SORL1-AS1: variants seen among roughly 807,000 people sequenced by gnomAD.
The protein encoded by SORL1-AS1 is lncRNA 51 A.
At chr11:121,443,167 T>C (rs1449796625), downstream of SORL1-AS1, among the ~76,000 whole-genome samples, 3 of 152,218 alleles carry the variant, frequency 2.0e-5, no homozygotes, top group Admixed American at 1.3e-4. Context: ...AACAAGCTAC[T>C]AATGAAAATT....
the SORL1-AS1 span, among the ~76,000 whole-genome samples, chr11:121,438,169 G>C: frequency 3.3e-5 from 5 of 152,224 alleles, no homozygotes; most frequent in African/African-American, 1.2e-4. Flanking sequence ...CTGAGGGCTT[G>C]TTTTTTATTA....
chr11:121,452,540 G>A lies in SORL1-AS1; in HGVS notation n.339+135C>T. On this transcript the variant is annotated intron_variant and non_coding_transcript_variant, in intron 1 of 1. Coordinates refer to ENST00000501964, the Ensembl canonical transcript of SORL1-AS1. This position sits in a 1 kb window ranked among gnomAD's most constrained non-coding sequence, Gnocchi z 5.3. ...GCGCGCGGGGATGCCAGGGGGGCGA[G>A]CCGCGCGGACGAGAAGCCGCTCCGG... 6.7e-7 allele frequency: 1 copy of A among 1,492,804 alleles called. No homozygotes were observed. The highest frequency in any genetic ancestry group is 2.8e-5 in the East Asian group (1 of 36,362). The allele number at this position is 1,492,804 out of a possible 1,614,324, so 92.5% of individuals were successfully genotyped here. A position where few individuals can be genotyped will look rare whatever the true frequency, so the allele number is the denominator to read the frequency against.
the SORL1-AS1 span, among the ~76,000 whole-genome samples, chr11:121,440,240 C>T: frequency 6.6e-6 from 1 of 152,122 alleles, no homozygotes; most frequent in Admixed American, 6.5e-5. Flanking sequence ...GGGCCTGATG[C>T]TACATGGCCT....
Position 121,452,360 on chromosome 11 carries a change from C to A in SORL1-AS1, n.339+315G>T. 1 of 1,553,526 alleles carries A rather than the reference C, an allele frequency of 6.4e-7. No homozygotes were observed. The highest frequency in any genetic ancestry group is 8.7e-7 in the Non-Finnish European group (1 of 1,154,398). ...GCGACACGGAGCAGCAGGAGGGAGT[C>A]GCGACTCCCGTTCCTATTCACCCTG... On this transcript the variant is annotated intron_variant and non_coding_transcript_variant, in intron 1 of 1. Transcript: ENST00000501964. The surrounding 1 kb of genome is among the most constrained non-coding windows in gnomAD (Gnocchi z 5.3).
At chr11:121,438,378 T>C in the SORL1-AS1 span, among the ~76,000 whole-genome samples, 302 of 152,304 alleles carry the variant, frequency 2.0e-3, no homozygotes, top group Admixed American at 3.7e-3. Context: ...TTAAACTTAA[T>C]TGTTTAATCA....
chr11:121,440,610 C>T, the SORL1-AS1 span, among the ~76,000 whole-genome samples: 1 of 152,202 alleles, frequency 6.6e-6, no homozygotes, highest in Non-Finnish European at 1.5e-5. Context: ...CCAAAGCAAG[C>T]CATGAGCCTG....
rs1860806581 is a variant in SORL1-AS1, at chr11:121,452,216, G to C, written n.339+459C>G. 1.4e-6 allele frequency: 1 copy of C among 691,736 alleles called. No individual in the cohort carries two copies. The highest frequency in any genetic ancestry group is 1.9e-5 in the African/African-American group (1 of 52,114). 42.8% of individuals were successfully genotyped at this position (691,736 alleles called of 1,614,324 possible). On this transcript the variant is annotated intron_variant and non_coding_transcript_variant, in intron 1 of 1. Coordinates refer to ENST00000501964, the Ensembl canonical transcript of SORL1-AS1. The surrounding 1 kb of genome is among the most constrained non-coding windows in gnomAD (Gnocchi z 5.3). ...GCAGCGGGGCGGCCCGGAGCGGCGC[G>C]GGCGGCCTGGAGCCCCGGGAGCGGC... is the stretch of plus-strand genomic sequence containing the variant.
In SORL1-AS1 at chr11:121,450,400, G is replaced by T. The variant is rs1345990275; in HGVS notation, n.340-501C>A. On this transcript the variant is annotated intron_variant and non_coding_transcript_variant, in intron 1 of 1. Coordinates refer to ENST00000501964, the Ensembl canonical transcript of SORL1-AS1. This position sits in a 1 kb window ranked among gnomAD's most constrained non-coding sequence, Gnocchi z 5.2. ...TAGATGAGGGGTGGGAGGTGACAGT[G>T]GTTCAGTGGCTTTCTTGGAGGATGC... is the stretch of plus-strand genomic sequence containing the variant. Among the ~76,000 whole-genome samples, 2 of 151,886 alleles carry T rather than the reference G, an allele frequency of 1.3e-5. No individual in the cohort carries two copies. Among genetic ancestry groups the T allele is most frequent in the Admixed American group, 6.6e-5 (1 of 15,242 alleles).
chr11:121,445,711 T>C (rs995895896), downstream of SORL1-AS1, among the ~76,000 whole-genome samples: 2 of 151,910 alleles, frequency 1.3e-5, no homozygotes, highest in Non-Finnish European at 2.9e-5. Context: ...GCTCATAACG[T>C]CTTATTCTCC....
chr11:121,444,239 A>G (rs115136418), downstream of SORL1-AS1, among the ~76,000 whole-genome samples: 2,396 of 152,338 alleles, frequency 0.016, 50 homozygotes, highest in African/African-American at 0.054. Flanking sequence ...TAAAAACCCA[A>G]CAATTGCTGA....
chr11:121,452,792 T>G lies in SORL1-AS1; in HGVS notation n.222A>C, dbSNP rs1024394562. The G allele has an allele frequency of 1.9e-6, 1 of 529,020 alleles. No homozygotes were observed. Among genetic ancestry groups the G allele is most frequent in the Non-Finnish European group, 3.1e-6 (1 of 318,732 alleles). 32.8% of individuals were successfully genotyped at this position (529,020 alleles called of 1,614,324 possible). A position where few individuals can be genotyped will look rare whatever the true frequency, so the allele number is the denominator to read the frequency against. On this transcript the variant is annotated non_coding_transcript_exon_variant, in exon 1 of 2. Coordinates refer to ENST00000501964, the Ensembl canonical transcript of SORL1-AS1. The surrounding 1 kb of genome is among the most constrained non-coding windows in gnomAD (Gnocchi z 5.3). ...CGTCAGCACTTGAATCGCATTGATCTTTCCTTCTTCCTGTCGATTTAGTAA... is the reference window on the plus strand; with the variant it reads ...CGTCAGCACTTGAATCGCATTGATCGTTCCTTCTTCCTGTCGATTTAGTAA...
At chr11:121,451,311 T>C (rs1860788137) in intron 1 of SORL1-AS1, among the ~76,000 whole-genome samples, 1 of 152,244 alleles carries the variant, frequency 6.6e-6, no homozygotes, top group Non-Finnish European at 1.5e-5. Context: ...TTTTATCTCC[T>C]GTGGTTCAGA....
chr11:121,452,281 T>A lies in SORL1-AS1; in HGVS notation n.339+394A>T. Reference sequence around the variant, plus strand: ...CCCAGCGGCTCTCCTGGCCTCGCGCTGCACATTCTCTCCTGGCGGCGGCGC... The same window carrying A: ...CCCAGCGGCTCTCCTGGCCTCGCGCAGCACATTCTCTCCTGGCGGCGGCGC... On this transcript the variant is annotated intron_variant and non_coding_transcript_variant, in intron 1 of 1. Coordinates refer to ENST00000501964, the Ensembl canonical transcript of SORL1-AS1. The surrounding 1 kb of genome is among the most constrained non-coding windows in gnomAD (Gnocchi z 5.3). 7.1e-7 allele frequency: 1 copy of A among 1,414,652 alleles called. No homozygotes were observed. Among genetic ancestry groups the A allele is most frequent in the South Asian group, 1.5e-5 (1 of 67,736 alleles). The allele number at this position is 1,414,652 out of a possible 1,614,324, so 87.6% of individuals were successfully genotyped here.
the SORL1-AS1 span, among the ~76,000 whole-genome samples, chr11:121,438,424 C>T: frequency 2.0e-5 from 3 of 152,070 alleles, no homozygotes; most frequent in Non-Finnish European, 4.4e-5. Flanking sequence ...AAAATTTTCC[C>T]ATGCTCCTTT....
chr11:121,440,067 TG>T, the SORL1-AS1 span, among the ~76,000 whole-genome samples: 1 of 152,290 alleles, frequency 6.6e-6, no homozygotes, highest in East Asian at 1.9e-4. Context: ...AGGAGCTTGC[TG>T]GGGCTCAGGA....
At chr11:121,451,423 T>C (rs1184061819) in intron 1 of SORL1-AS1, among the ~76,000 whole-genome samples, 3 of 152,180 alleles carry the variant, frequency 2.0e-5, no homozygotes. Context: ...CTGGTAAATA[T>C]GTCTATTTTA....
Sources: allele counts gnomAD v4.1 joint callset (sites outside exome capture counted in the v4.1 genomes callset), GRCh38; gene constraint gnomAD v4.1.1; non-coding constraint Gnocchi (gnomAD v3.1); transcripts MANE v1.5; gene names NCBI Gene and HGNC (gene_info 2026-07-23, HGNC 2026-07-21).